Variants in C12orf42 observed in about 807,000 individuals in gnomAD.
The protein encoded by C12orf42 is chromosome 12 open reading frame 42, also known as uncharacterized protein C12orf42.
C12orf42 carries 25 observed loss-of-function variants against 21.6 expected under a neutral mutation model. That is an observed-to-expected ratio of 1.16 (90% CI 0.84 to 1.62). C12orf42 has a LOEUF of 1.62. C12orf42 is among the 40% of genes most tolerant of loss of function. The pLI is 0.00. For missense variants in C12orf42, 483 were observed against 459.3 expected (o/e 1.05, Z -0.47); for synonymous variants, 174 against 175.0 (o/e 0.99, Z 0.05).
the C12orf42 span, among the ~76,000 whole-genome samples, chr12:103,532,417 T>C: frequency 1.3e-5 from 2 of 152,232 alleles, no homozygotes; most frequent in Non-Finnish European, 2.9e-5. Flanking sequence ...ATTAGAAATA[T>C]GTACAAAATA....
chr12:103,422,329 C>T (rs545266840), intron 2 of C12orf42, among the ~76,000 whole-genome samples: 2 of 152,262 alleles, frequency 1.3e-5, no homozygotes, highest in South Asian at 4.2e-4. Flanking sequence ...CTGGGCCACA[C>T]TTTAATATAA....
Position 103,336,051 on chromosome 12 carries a change from T to G in C12orf42, c.260-29706A>C, listed in dbSNP as rs1384202566. On this transcript the variant is annotated intron_variant, in intron 4 of 5. Coordinates refer to ENST00000548883, the MANE Select transcript of C12orf42 (RefSeq NM_198521.5). ...TGTTGGGAATACAATGCACAAACTT[T>G]CAGCAAGTATTTGTTGAATAAATAC... Among the ~76,000 whole-genome samples the G allele has an allele frequency of 3.9e-5, 6 of 152,292 alleles. No homozygotes were observed. In the East Asian group the frequency reaches 1.2e-3, roughly 30 times the overall value.
the C12orf42 span, among the ~76,000 whole-genome samples, chr12:103,222,098 C>A: frequency 1.3e-5 from 2 of 152,072 alleles, no homozygotes; most frequent in Non-Finnish European, 2.9e-5. Context: ...TTGAGTTAAT[C>A]AGCAGCCACC....
chr12:103,375,371 G>T (rs1217068158), intron 3 of C12orf42, among the ~76,000 whole-genome samples: 2 of 152,102 alleles, frequency 1.3e-5, no homozygotes, highest in Non-Finnish European at 2.9e-5. Context: ...TCCCAGTGTT[G>T]TTGGAGTCTG....
intron 4 of C12orf42, among the ~76,000 whole-genome samples, chr12:103,311,831 C>T (rs1331854546): frequency 6.6e-6 from 1 of 152,144 alleles, no homozygotes. Flanking sequence ...GAGTGGGACC[C>T]TAGTATCTGT....
the C12orf42 span, among the ~76,000 whole-genome samples, chr12:103,524,390 C>CA: frequency 8.1e-4 from 123 of 151,450 alleles, no homozygotes; most frequent in South Asian, 4.6e-3. Context: ...ACAGAGGTGG[C>CA]AAAAAAAAGG....
chr12:103,223,585 G>A, the C12orf42 span, among the ~76,000 whole-genome samples: 8 of 152,326 alleles, frequency 5.3e-5, no homozygotes, highest in South Asian at 4.1e-4. Context: ...CAGCTGTGGT[G>A]GCTTGGGAAA....
intron 2 of C12orf42, among the ~76,000 whole-genome samples, chr12:103,474,664 C>T (rs1016666877): frequency 6.6e-6 from 1 of 152,128 alleles, no homozygotes; most frequent in African/African-American, 2.4e-5. Context: ...ATCAAGCCAC[C>T]ACTTTTGATT....
the C12orf42 span, among the ~76,000 whole-genome samples, chr12:103,091,486 T>C: frequency 6.6e-6 from 1 of 152,116 alleles, no homozygotes; most frequent in Non-Finnish European, 1.5e-5. Context: ...GGAAAAATGA[T>C]AGAGAAGCTA....
the C12orf42 span, among the ~76,000 whole-genome samples, chr12:103,542,490 T>C: frequency 1.1e-3 from 173 of 152,330 alleles, no homozygotes; most frequent in African/African-American, 4.0e-3. Flanking sequence ...AAGTCTTGCC[T>C]GGGGGCAATG....
At chr12:103,373,458 T>C (rs2045435070) in intron 3 of C12orf42, among the ~76,000 whole-genome samples, 1 of 152,196 alleles carries the variant, frequency 6.6e-6, no homozygotes, top group Non-Finnish European at 1.5e-5. Context: ...TTTCAATTGT[T>C]TGCCTGCCAA....
chr12:103,064,908 G>A, the C12orf42 span, among the ~76,000 whole-genome samples: 1 of 152,190 alleles, frequency 6.6e-6, no homozygotes, highest in Non-Finnish European at 1.5e-5. Context: ...CTTACAGTGG[G>A]TCCAGTGGGT....
intron 4 of C12orf42, among the ~76,000 whole-genome samples, chr12:103,279,889 G>T (rs535249981): frequency 1.4e-4 from 21 of 152,258 alleles, no homozygotes; most frequent in South Asian, 4.1e-4. Context: ...CTTTCATGGT[G>T]CTCTGTTTAG....
the C12orf42 span, among the ~76,000 whole-genome samples, chr12:103,115,050 C>A: frequency 6.6e-6 from 1 of 152,322 alleles, no homozygotes; most frequent in Admixed American, 6.5e-5. Context: ...AGTCTCAGAA[C>A]TAAAAATACA....
the C12orf42 span, among the ~76,000 whole-genome samples, chr12:103,131,413 C>A: frequency 6.6e-6 from 1 of 152,140 alleles, no homozygotes; most frequent in Non-Finnish European, 1.5e-5. Context: ...GCTTTTTCAG[C>A]CCCAAACTGC....
downstream of C12orf42, among the ~76,000 whole-genome samples, chr12:103,233,886 C>T (rs544416301): frequency 6.6e-6 from 1 of 152,266 alleles, no homozygotes; most frequent in East Asian, 1.9e-4. Context: ...GGCATCCTTG[C>T]TTTACTCCTG....
the C12orf42 span, among the ~76,000 whole-genome samples, chr12:103,070,084 G>A: frequency 6.6e-6 from 1 of 152,144 alleles, no homozygotes; most frequent in East Asian, 1.9e-4. Flanking sequence ...CCTTGCCACT[G>A]TAAGACAAAA....
the C12orf42 span, among the ~76,000 whole-genome samples, chr12:103,213,056 T>G: frequency 6.6e-6 from 1 of 152,182 alleles, no homozygotes; most frequent in East Asian, 1.9e-4. Flanking sequence ...AAACTTTGGA[T>G]GTTTTTACCA....
rs150978004 is a variant in C12orf42, at chr12:103,387,897, C to G, written c.147+13710G>C. Among the ~76,000 whole-genome samples the G allele has an allele frequency of 6.6e-5, 10 of 152,286 alleles. No homozygotes were observed. The East Asian group carries it at 1.7e-3, about 26-fold the overall frequency. On this transcript the variant is annotated intron_variant, in intron 3 of 5. Transcript: ENST00000548883. ...TTCTAACTGATATTCCCTTCCCTTT[C>G]CTCTCTCTTTTTTTCTTTTTTAACA...
Sources: allele counts gnomAD v4.1 joint callset (sites outside exome capture counted in the v4.1 genomes callset), GRCh38; gene constraint gnomAD v4.1.1; transcripts MANE v1.5; gene names NCBI Gene and HGNC (gene_info 2026-07-23, HGNC 2026-07-21).